Variants in BTNL8 observed in about 807,000 individuals in gnomAD.
BTNL8 encodes butyrophilin like 8.
A neutral mutation model predicts 36.1 loss-of-function variants in BTNL8; 22 were observed. The ratio of observed to expected loss-of-function variants is 0.61; its 90% CI spans 0.44 to 0.87. The LOEUF is 0.87. BTNL8 is among the 40% of genes least tolerant of loss of function. BTNL8 has a pLI of 0.00. For missense variants in BTNL8, 526 were observed against 616.9 expected, an observed-to-expected ratio of 0.85 and a Z score of 1.56; for synonymous variants, 203 against 235.6, an observed-to-expected ratio of 0.86 and a Z score of 1.27.
chr5:180,950,590 C>G lies in BTNL8; in HGVS notation c.*46C>G. 1 of 1,441,032 alleles carries G rather than the reference C, an allele frequency of 6.9e-7. No homozygotes were observed. 89.3% of individuals were successfully genotyped at this position (1,441,032 alleles called of 1,614,324 possible). ...CTTCTTTAGGGATATTAAGGTCTCT[C>G]TCCCAGATCCAAAGTCCCGCAGCAG... On this transcript the variant is annotated 3_prime_UTR_variant, in exon 8 of 8. Transcript: ENST00000340184.
chr5:180,950,044 A>T lies in BTNL8; in HGVS notation c.1003A>T (p.Ser335Cys), dbSNP rs372387302. ...FTRKSVVASQ[S>C]FQAGKHYWEV... ...AAGGAAGAGTGTGGTGGCTTCTCAGAGTTTCCAAGCAGGGAAACATTACTG... is the reference window on the plus strand; with the variant it reads ...AAGGAAGAGTGTGGTGGCTTCTCAGTGTTTCCAAGCAGGGAAACATTACTG... The change falls in exon 8 of 8, where the codon AGT (serine) becomes TGT (cysteine). Residue 335 changes from serine (S) to cysteine (C), a missense_variant. This residue lies in a region of BTNL8 where 176 missense variants were observed against 292.3 expected (regional missense o/e 0.60). Coordinates refer to ENST00000340184, the MANE Select transcript of BTNL8 (RefSeq NM_001040462.3). 2.9e-5 allele frequency: 43 copies of T among 1,462,084 alleles called. 12 individuals carry two copies. The highest frequency in any genetic ancestry group is 3.6e-5 in the Non-Finnish European group (38 of 1,058,528). The allele number at this position is 1,462,084 out of a possible 1,614,324, so 90.6% of individuals were successfully genotyped here.
chr5:180,912,741 T>C (rs1055782698), intron 3 of BTNL8, among the ~76,000 whole-genome samples: 1 of 152,140 alleles, frequency 6.6e-6, no homozygotes, highest in African/African-American at 2.4e-5. Context: ...TGTTGTGATC[T>C]AGCAATACAG....
In BTNL8 at chr5:180,932,130, A is replaced by C. The variant is rs374965224; in HGVS notation, c.674-15382A>C. Among the ~76,000 whole-genome samples, 10 of 152,294 alleles carry C rather than the reference A, an allele frequency of 6.6e-5. No homozygotes were observed. The East Asian group carries it at 1.2e-3, about 18-fold the overall frequency. On this transcript the variant is annotated intron_variant, in intron 3 of 7. Coordinates refer to ENST00000340184, the MANE Select transcript of BTNL8 (RefSeq NM_001040462.3). ...ACACCATTGAATACTATGCAGCCAT[A>C]AACAAGCATAAGTGGAAGTTGAACA...
chr5:180,938,313 T>C (rs2892344), intron 3 of BTNL8, among the ~76,000 whole-genome samples: 68,208 of 152,028 alleles, frequency 0.45, 16,393 homozygotes, highest in African/African-American at 0.63. Flanking sequence ...CTGAAAACTT[T>C]GCAAGTCCTG....
intron 3 of BTNL8, among the ~76,000 whole-genome samples, chr5:180,918,714 A>T (rs1450143398): frequency 6.6e-6 from 1 of 152,224 alleles, no homozygotes; most frequent in Non-Finnish European, 1.5e-5. Context: ...ATCAATCAAT[A>T]TATGTAAGGT....
At chr5:180,925,541 C>G (rs1758055514) in intron 3 of BTNL8, among the ~76,000 whole-genome samples, 1 of 152,172 alleles carries the variant, frequency 6.6e-6, no homozygotes, top group South Asian at 2.1e-4. Flanking sequence ...ATCAAGATTA[C>G]ATTACTAGCA....
At chr5:180,899,855 C>G (rs1756745960) in intron 1 of BTNL8, among the ~76,000 whole-genome samples, 1 of 152,220 alleles carries the variant, frequency 6.6e-6, no homozygotes, top group African/African-American at 2.4e-5. Context: ...ATCCACTCTT[C>G]TTTCTCCTTC....
chr5:180,921,239 A>T lies in BTNL8; in HGVS notation c.673+9625A>T, dbSNP rs140094421. On this transcript the variant is annotated intron_variant, in intron 3 of 7. Transcript: ENST00000340184. ...AAAAGATACTTGCACTTCCATGTTT[A>T]TTGTGGCATAGTTCACAGTAGCCAA... Among the ~76,000 whole-genome samples, 152 of 152,240 alleles carry T rather than the reference A, an allele frequency of 1.0e-3. 1 individual carries two copies. The East Asian group carries it at 0.026, about 26-fold the overall frequency.
At chr5:180,905,833 G>C (rs1022555126) in intron 1 of BTNL8, among the ~76,000 whole-genome samples, 3 of 151,066 alleles carry the variant, frequency 2.0e-5, no homozygotes, top group Non-Finnish European at 4.4e-5. Flanking sequence ...GTAGTTGAGC[G>C]GCTTTGAGAT....
intron 3 of BTNL8, among the ~76,000 whole-genome samples, chr5:180,915,393 C>T (rs931831078): frequency 1.3e-5 from 2 of 152,204 alleles, no homozygotes; most frequent in Non-Finnish European, 2.9e-5. Flanking sequence ...GGTGCACAAT[C>T]TTGAGTATTT....
Position 180,905,254 on chromosome 5 carries a change from G to C in BTNL8, c.50-3332G>C, listed in dbSNP as rs1341751456. ...TCAACTTCTTCCTGGTTTAGTCTTGGGAGAGTGTATGTGTCGAGGAATTTA... is the reference window on the plus strand; with the variant it reads ...TCAACTTCTTCCTGGTTTAGTCTTGCGAGAGTGTATGTGTCGAGGAATTTA... On this transcript the variant is annotated intron_variant, in intron 1 of 7. Coordinates refer to ENST00000340184, the MANE Select transcript of BTNL8 (RefSeq NM_001040462.3). Among the ~76,000 whole-genome samples the C allele has an allele frequency of 3.3e-5, 5 of 150,720 alleles. No homozygotes were observed. The East Asian group carries it at 5.8e-4, about 18-fold the overall frequency.
Position 180,950,410 on chromosome 5 carries a change from A to T in BTNL8, c.1369A>T (p.Ile457Leu). The change falls in exon 8 of 8, where the codon ATA becomes TTA. Residue 457 changes from isoleucine (I) to leucine (L), a missense_variant. Physicochemically the swap from Ile to Leu is conservative, Grantham distance 5. Transcript: ENST00000340184. ...PSYNEQNGTP[I>L]VICPVTQESE... ...CTATAATGAGCAAAATGGAACTCCC[A>T]TAGTCATCTGCCCAGTCACCCAGGA... 6.8e-7 allele frequency: 1 copy of T among 1,463,424 alleles called. No homozygotes were observed. Among genetic ancestry groups the T allele is most frequent in the Non-Finnish European group, 9.4e-7 (1 of 1,059,036 alleles). The allele number at this position is 1,463,424 out of a possible 1,614,324, so 90.7% of individuals were successfully genotyped here.
chr5:180,944,420 A>T (rs972009160), intron 3 of BTNL8, among the ~76,000 whole-genome samples: 2 of 152,196 alleles, frequency 1.3e-5, no homozygotes, highest in Non-Finnish European at 2.9e-5. Context: ...ACATTGTACC[A>T]CATAAATATG....
chr5:180,901,735 A>T (rs1561924484), intron 1 of BTNL8, among the ~76,000 whole-genome samples: 1 of 152,118 alleles, frequency 6.6e-6, no homozygotes, highest in Non-Finnish European at 1.5e-5. Context: ...TGTACCAAGA[A>T]TTTTTTTTAA....
chr5:180,908,604 G>T lies in BTNL8; in HGVS notation c.68G>T (p.Gly23Val). Residue 23 changes from glycine to valine, a missense_variant, in exon 2 of 8, where the codon GGG (glycine) becomes GTG (valine). This residue lies in a region of BTNL8 where 350 missense variants were observed against 324.6 expected (regional missense o/e 1.08). Transcript: ENST00000340184. ...KLGSGQWQVF[G>V]PDKPVQALVG... is the part of the protein sequence containing the mutation. ...CCCACAGGGCAGTGGCAGGTGTTTG[G>T]GCCAGACAAGCCTGTCCAGGCCTTG... 1 of 1,613,960 alleles carries T rather than the reference G, an allele frequency of 6.2e-7. No homozygotes were observed. Among genetic ancestry groups the T allele is most frequent in the South Asian group, 1.1e-5 (1 of 91,074 alleles).
chr5:180,916,594 A>G (rs1757640019), intron 3 of BTNL8, among the ~76,000 whole-genome samples: 1 of 152,196 alleles, frequency 6.6e-6, no homozygotes, highest in Non-Finnish European at 1.5e-5. Flanking sequence ...CAAGAAAAAA[A>G]GAGCTGACTC....
intron 3 of BTNL8, among the ~76,000 whole-genome samples, chr5:180,924,858 C>A (rs1758026525): frequency 6.6e-6 from 1 of 151,838 alleles, no homozygotes; most frequent in South Asian, 2.1e-4. Flanking sequence ...TAAGATAATC[C>A]CCTTAAAGAA....
At chr5:180,907,162 A>G (rs1257885996) in intron 1 of BTNL8, among the ~76,000 whole-genome samples, 2 of 120,790 alleles carry the variant, frequency 1.7e-5, no homozygotes, top group Non-Finnish European at 3.3e-5. Context: ...AGGTACACCA[A>G]TCAGACGTAG....
intron 3 of BTNL8, among the ~76,000 whole-genome samples, chr5:180,917,901 T>A (rs1475959950): frequency 6.7e-6 from 1 of 150,154 alleles, no homozygotes; most frequent in African/African-American, 2.4e-5. Flanking sequence ...TGGTGGCGGG[T>A]GTGTGTAGTC....
Sources: gnomAD v4.1 joint callset for allele counts (sites outside exome capture counted in the v4.1 genomes callset) on GRCh38, gnomAD v4.1.1 for gene constraint, gnomAD v4.1.1 regional missense constraint, MANE v1.5 for transcripts, NCBI Gene and HGNC (gene_info 2026-07-23, HGNC 2026-07-21) for gene names.